PTPRG: variants seen among roughly 807,000 people sequenced by gnomAD.
PTPRG encodes the protein receptor-type tyrosine-protein phosphatase gamma.
A neutral mutation model predicts 165.3 loss-of-function variants in PTPRG; 102 were observed. The ratio of observed to expected loss-of-function variants is 0.62; its 90% CI spans 0.53 to 0.73. The LOEUF (loss-of-function observed/expected upper bound fraction) is 0.73, where lower values mean the gene tolerates loss of function less well. PTPRG is among the 30% of genes least tolerant of loss of function. PTPRG has a pLI of 0.00. For synonymous variants in PTPRG, 675 were observed against 669.5 expected (o/e 1.01, Z -0.13); for missense variants, 1,866 against 1,861.4 (o/e 1.00, Z -0.05).
intron 2 of PTPRG, among the ~76,000 whole-genome samples, chr3:61,789,343 A>C (rs2034804644): frequency 6.6e-6 from 1 of 152,110 alleles, no homozygotes; most frequent in Non-Finnish European, 1.5e-5. Context: ...CCTGATCTCA[A>C]GTGATCCTCC....
chr3:62,041,480 T>C (rs1700128868), intron 4 of PTPRG, among the ~76,000 whole-genome samples: 1 of 152,194 alleles, frequency 6.6e-6, no homozygotes, highest in African/African-American at 2.4e-5. Context: ...AGCATGTCCT[T>C]GAATGTCTCC....
intron 1 of PTPRG, among the ~76,000 whole-genome samples, chr3:61,636,862 T>C (rs1432200059): frequency 2.0e-5 from 3 of 152,234 alleles, no homozygotes; most frequent in African/African-American, 7.2e-5. Flanking sequence ...TTTTACTTGG[T>C]AAAATCTCAT....
At chr3:61,700,888 G>C (rs907631187) in intron 1 of PTPRG, among the ~76,000 whole-genome samples, 1 of 152,080 alleles carries the variant, frequency 6.6e-6, no homozygotes, top group African/African-American at 2.4e-5. Flanking sequence ...TACCCACTCT[G>C]ATAGAAACAA....
At chr3:61,941,749 G>GT (rs1159057979) in intron 2 of PTPRG, among the ~76,000 whole-genome samples, 1 of 151,950 alleles carries the variant, frequency 6.6e-6, no homozygotes, top group Non-Finnish European at 1.5e-5. Context: ...TTTAAAAACA[G>GT]TTTTTTTCAT....
intron 1 of PTPRG, among the ~76,000 whole-genome samples, chr3:61,597,525 C>T (rs1004250828): frequency 1.3e-5 from 2 of 152,162 alleles, no homozygotes; most frequent in African/African-American, 4.8e-5. Context: ...GTTTAGAATA[C>T]CACCAGCTGC....
intron 2 of PTPRG, among the ~76,000 whole-genome samples, chr3:61,786,863 T>C (rs1375447616): frequency 6.6e-6 from 1 of 152,214 alleles, no homozygotes; most frequent in African/African-American, 2.4e-5. Context: ...ATAGAAGCCT[T>C]ACGCACCATA....
chr3:62,133,982 C>CA lies in PTPRG; in HGVS notation c.682+1325dup, dbSNP rs1015699046. ...TGGACAACAGAGAGAGATTCTGTCT[C>CA]AAAAAAAAAAAGATATATATTTCCA... On this transcript the variant is annotated intron_variant, in intron 6 of 29. Coordinates refer to ENST00000474889, the MANE Select transcript of PTPRG (RefSeq NM_002841.4). 3.5e-3 allele frequency among the ~76,000 whole-genome samples: 499 copies of CA among 144,370 alleles called. 2 individuals carry two copies. The highest frequency in any genetic ancestry group is 0.011 in the Middle Eastern group (3 of 276). The allele number at this position is 144,370 out of a possible 152,430, so 94.7% of individuals were successfully genotyped here.
At chr3:61,793,755 T>G (rs567909481) in intron 2 of PTPRG, among the ~76,000 whole-genome samples, 25 of 152,276 alleles carry the variant, frequency 1.6e-4, no homozygotes, top group African/African-American at 4.6e-4. Flanking sequence ...TGTTGTTGTT[T>G]TTTTTCTGGC....
chr3:61,681,817 T>C (rs577725604), intron 1 of PTPRG, among the ~76,000 whole-genome samples: 11 of 152,050 alleles, frequency 7.2e-5, no homozygotes, highest in Admixed American at 1.3e-4. Context: ...TGGAGGAAAA[T>C]TGAAAAAAGA....
chr3:62,012,906 A>C (rs1410227294), intron 4 of PTPRG, among the ~76,000 whole-genome samples: 1 of 152,180 alleles, frequency 6.6e-6, no homozygotes, highest in African/African-American at 2.4e-5. Flanking sequence ...TATCTGTGCA[A>C]AAGGGTATAC....
intron 2 of PTPRG, among the ~76,000 whole-genome samples, chr3:61,908,783 C>T (rs2038722903): frequency 6.6e-6 from 1 of 152,134 alleles, no homozygotes. Context: ...AAAGAAAGAA[C>T]ATCAATTATG....
chr3:61,639,117 G>A (rs1291608970), intron 1 of PTPRG, among the ~76,000 whole-genome samples: 2 of 152,022 alleles, frequency 1.3e-5, no homozygotes, highest in Admixed American at 1.3e-4. Context: ...CTTTCATTCC[G>A]CTGCATATGG....
At chr3:61,971,318 C>CT (rs1192955932) in intron 2 of PTPRG, among the ~76,000 whole-genome samples, 2 of 151,800 alleles carry the variant, frequency 1.3e-5, no homozygotes, top group African/African-American at 4.8e-5. Flanking sequence ...CATGGAAGTA[C>CT]TTACCTGGCC....
chr3:62,268,903 C>A, intron 19 of PTPRG, 132 bp from the exon 20 acceptor site: 1 of 1,010,244 alleles, frequency 9.9e-7, no homozygotes, highest in Non-Finnish European at 1.4e-6. Flanking sequence ...AGCAGTTAAA[C>A]TCACGTATTC....
chr3:61,735,652 A>C (rs2032691993), intron 1 of PTPRG, among the ~76,000 whole-genome samples: 1 of 152,122 alleles, frequency 6.6e-6, no homozygotes, highest in Non-Finnish European at 1.5e-5. Flanking sequence ...AGTGAGGAAG[A>C]GAGCAGTGTA....
chr3:61,786,064 C>G (rs1442337260), intron 2 of PTPRG, among the ~76,000 whole-genome samples: 1 of 152,162 alleles, frequency 6.6e-6, no homozygotes, highest in Non-Finnish European at 1.5e-5. Flanking sequence ...AAATGAACAT[C>G]ATGTGTAGGT....
rs1700542128 is a variant in PTPRG at position 62,217,534 on chromosome 3, T to A, written c.2156-1317T>A. The A allele has an allele frequency of 6.6e-6, 1 of 152,274 alleles. No individual in the cohort carries two copies. Among genetic ancestry groups the A allele is most frequent in the Non-Finnish European group, 1.5e-5 (1 of 68,084 alleles). The allele number at this position is 152,274 out of a possible 1,614,324, so 9.4% of individuals were successfully genotyped here. On this transcript the variant is annotated intron_variant, in intron 12 of 29. Transcript: ENST00000474889. The surrounding 1 kb of genome is among the most constrained non-coding windows in gnomAD (Gnocchi z 4.3). ...CCTGATTAGCTCTGCATTTAGTCCA[T>A]CCTGCAGAGGGACACTCCGGGCTGG...
rs1699818806 is a variant in PTPRG at position 62,191,503 on chromosome 3, G to C, written c.1068G>C (p.Gln356His). 2 of 1,613,988 alleles carry C rather than the reference G, an allele frequency of 1.2e-6. No individual in the cohort carries two copies. The highest frequency in any genetic ancestry group is 1.7e-6 in the Non-Finnish European group (2 of 1,180,014). The part of the protein sequence containing the change: ...CSSPPIHMKV[Q>H]PLNQTALQVS... ...CTCCACCCATCCACATGAAGGTGCA[G>C]CCTCTGAACCAGACGGCACTGCAGG... The change falls in exon 9 of 30, where the codon CAG (glutamine) becomes CAC (histidine). Residue 356 changes from glutamine to histidine, a missense_variant. Gln to His is a conservative substitution (Grantham distance 24). Around this residue, in one of 3 missense-constraint regions of PTPRG, gnomAD observed 1,452 missense variants for 1,463.0 expected, o/e 0.99. Coordinates refer to ENST00000474889, the MANE Select transcript of PTPRG (RefSeq NM_002841.4).
chr3:61,726,199 A>G (rs1354354284), intron 1 of PTPRG, among the ~76,000 whole-genome samples: 1 of 152,196 alleles, frequency 6.6e-6, no homozygotes, highest in Non-Finnish European at 1.5e-5. Context: ...ACTTCAGTCA[A>G]GTTTCATTAC....
Sources: gnomAD v4.1 joint callset for allele counts (sites outside exome capture counted in the v4.1 genomes callset) on GRCh38, gnomAD v4.1.1 for gene constraint, gnomAD v4.1.1 regional missense constraint, Gnocchi (gnomAD v3.1) non-coding constraint, MANE v1.5 for transcripts, NCBI Gene and HGNC (gene_info 2026-07-23, HGNC 2026-07-21) for gene names.